DPT: variants seen among roughly 807,000 people sequenced by gnomAD.
The protein encoded by DPT is tyrosine-rich acidic matrix protein.
In DPT, 21 loss-of-function variants were observed where a neutral mutation model predicts 31.2. That is an observed-to-expected ratio of 0.67 (90% CI 0.48 to 0.97). DPT has a LOEUF of 0.97. Among genes scored for constraint, DPT ranks in the 50% least tolerant of loss-of-function variants. DPT has a pLI of 0.00. For missense variants in DPT, 262 were observed against 258.8 expected (o/e 1.01, Z -0.08); for synonymous variants, 91 against 86.9 (o/e 1.05, Z -0.26).
At chr1:168,717,146 G>T (rs951024659) in intron 1 of DPT, among the ~76,000 whole-genome samples, 2 of 152,172 alleles carry the variant, frequency 1.3e-5, no homozygotes, top group Admixed American at 6.5e-5. Flanking sequence ...TTCTACAATG[G>T]TTGAACTAAT....
chr1:168,728,721 G>T, intron 1 of DPT, 149 bp downstream of exon 1: 2 of 975,926 alleles, frequency 2.0e-6, no homozygotes, highest in Non-Finnish European at 3.0e-6. Flanking sequence ...CAGCAGCCCT[G>T]CTCCACCCAG....
chr1:168,725,506 A>G (rs900301667), intron 1 of DPT, among the ~76,000 whole-genome samples: 1 of 152,032 alleles, frequency 6.6e-6, no homozygotes, highest in African/African-American at 2.4e-5. Context: ...TCCACACAGG[A>G]CCCAGTGCCC....
At chr1:168,728,111 A>T (rs183212538) in intron 1 of DPT, among the ~76,000 whole-genome samples, 4 of 152,338 alleles carry the variant, frequency 2.6e-5, no homozygotes, top group Admixed American at 2.6e-4. Context: ...CCCACAAAAA[A>T]GTACAAGCTC....
chr1:168,712,040 C>A (rs931775324), intron 2 of DPT, among the ~76,000 whole-genome samples: 1 of 152,082 alleles, frequency 6.6e-6, no homozygotes, highest in Non-Finnish European at 1.5e-5. Flanking sequence ...ACACCCTCCA[C>A]AATTATTAAT....
At chr1:168,722,641 T>C (rs1650144495) in intron 1 of DPT, among the ~76,000 whole-genome samples, 1 of 152,156 alleles carries the variant, frequency 6.6e-6, no homozygotes, top group South Asian at 2.1e-4. Flanking sequence ...GTAATTCCCC[T>C]AAGGACACAA....
At chr1:168,727,866 C>G (rs1041086411) in intron 1 of DPT, among the ~76,000 whole-genome samples, 4 of 152,092 alleles carry the variant, frequency 2.6e-5, no homozygotes, top group African/African-American at 9.7e-5. Flanking sequence ...CCTCCAATCC[C>G]CACTACACTA....
chr1:168,719,719 A>T (rs950643115), intron 1 of DPT, among the ~76,000 whole-genome samples: 1 of 152,062 alleles, frequency 6.6e-6, no homozygotes, highest in African/African-American at 2.4e-5. Context: ...CTCTAAGGAA[A>T]TAAGACTATT....
intron 2 of DPT, among the ~76,000 whole-genome samples, chr1:168,702,932 G>T (rs984032188): frequency 1.3e-5 from 2 of 152,118 alleles, no homozygotes; most frequent in East Asian, 3.9e-4. Context: ...CTTATAAGTA[G>T]AACTAATAGG....
intron 1 of DPT, among the ~76,000 whole-genome samples, chr1:168,719,180 A>T (rs1650046047): frequency 6.6e-6 from 1 of 151,876 alleles, no homozygotes; most frequent in African/African-American, 2.4e-5. Context: ...GGGCCCTGAA[A>T]CTCCCTCCAA....
At chr1:168,698,588 G>A (rs1192613051) in intron 3 of DPT, among the ~76,000 whole-genome samples, 2 of 152,094 alleles carry the variant, frequency 1.3e-5, no homozygotes, top group African/African-American at 4.8e-5. Flanking sequence ...TTCACACCAG[G>A]ACAGTGGGGG....
chr1:168,702,395 A>G (rs1649618975), intron 2 of DPT, among the ~76,000 whole-genome samples: 1 of 152,174 alleles, frequency 6.6e-6, no homozygotes, highest in Non-Finnish European at 1.5e-5. Flanking sequence ...GTTCATAATC[A>G]TTCCTTTTAC....
chr1:168,715,761 C>T (rs529918901), intron 1 of DPT, among the ~76,000 whole-genome samples: 3 of 152,292 alleles, frequency 2.0e-5, no homozygotes, highest in African/African-American at 7.2e-5. Context: ...TGATGAAATC[C>T]AGTGGATTTC....
At chr1:168,700,521 T>C (rs779267437) in intron 3 of DPT, among the ~76,000 whole-genome samples, 25 of 152,184 alleles carry the variant, frequency 1.6e-4, no homozygotes, top group Admixed American at 3.9e-4. Context: ...GGGGATGATA[T>C]AGAGGCACGG....
At position 168,696,184 on chromosome 1, in the gene DPT, C is replaced by T. The variant is rs1399397074; in HGVS notation, c.*365G>A. 1 of 425,262 alleles carries T rather than the reference C, an allele frequency of 2.4e-6. No homozygotes were observed. The highest frequency in any genetic ancestry group is 4.0e-5 in the Admixed American group (1 of 25,222). The allele number at this position is 425,262 out of a possible 1,614,324, so 26.3% of individuals were successfully genotyped here. A position where few individuals can be genotyped will look rare whatever the true frequency, so the allele number is the denominator to read the frequency against. ...CTCCTCCAGTTCTGCCTCTCCCCTC[C>T]ACTATGCTGAACTTGCAGTTCATTC... On this transcript the variant is annotated 3_prime_UTR_variant, in exon 4 of 4. Coordinates refer to ENST00000367817, the MANE Select transcript of DPT (RefSeq NM_001937.5).
chr1:168,717,645 G>C (rs1189207171), intron 1 of DPT, among the ~76,000 whole-genome samples: 1 of 152,136 alleles, frequency 6.6e-6, no homozygotes, highest in Admixed American at 6.5e-5. Flanking sequence ...CCTGTGTCCT[G>C]AATGGTGTTG....
chr1:168,725,704 A>T (rs1206238283), intron 1 of DPT, among the ~76,000 whole-genome samples: 3 of 152,226 alleles, frequency 2.0e-5, no homozygotes, highest in Non-Finnish European at 4.4e-5. Context: ...AACTGTGATC[A>T]ATGGCAGCAC....
At chr1:168,724,373 G>C (rs1650190157) in intron 1 of DPT, among the ~76,000 whole-genome samples, 1 of 152,252 alleles carries the variant, frequency 6.6e-6, no homozygotes, top group African/African-American at 2.4e-5. Flanking sequence ...CCTCCTTGCG[G>C]AGGGCCGTGG....
At chr1:168,707,316 C>T (rs1649743615) in intron 2 of DPT, among the ~76,000 whole-genome samples, 1 of 151,962 alleles carries the variant, frequency 6.6e-6, no homozygotes, top group South Asian at 2.1e-4. Flanking sequence ...ATTTCATATC[C>T]ATTCACATTC....
intron 2 of DPT, among the ~76,000 whole-genome samples, chr1:168,713,461 G>C (rs1649909869): frequency 6.6e-6 from 1 of 152,184 alleles, no homozygotes; most frequent in South Asian, 2.1e-4. Flanking sequence ...TCACTTGAGG[G>C]AGCCAACCTT....
Sources: allele counts gnomAD v4.1 joint callset (sites outside exome capture counted in the v4.1 genomes callset), GRCh38; gene constraint gnomAD v4.1.1; transcripts MANE v1.5; gene names NCBI Gene and HGNC (gene_info 2026-07-23, HGNC 2026-07-21).